The following CD86 variants were observed in gnomAD, a reference collection of about 807,000 sequenced individuals.
CD86 encodes the protein T-lymphocyte activation antigen CD86.
A neutral mutation model predicts 32.1 loss-of-function variants in CD86; 11 were observed. The observed-to-expected ratio is 0.34, with a 90% CI of 0.22 to 0.57. The LOEUF is 0.57. Ranked by LOEUF, CD86 falls within the 20% of genes least tolerant of loss-of-function variation. CD86 has a pLI of 0.86. For missense variants in CD86, 359 were observed against 398.4 expected (o/e 0.90, Z 0.84); for synonymous variants, 137 against 135.3 (o/e 1.01, Z -0.09).
chr3:122,099,114 A>G (rs2072955661), intron 2 of CD86, among the ~76,000 whole-genome samples: 1 of 152,228 alleles, frequency 6.6e-6, no homozygotes, highest in South Asian at 2.1e-4. Flanking sequence ...GGAGAATAAG[A>G]AGACCAAGAA....
intron 1 of CD86, among the ~76,000 whole-genome samples, chr3:122,075,054 A>C (rs1254537328): frequency 1.3e-5 from 2 of 152,034 alleles, no homozygotes; most frequent in African/African-American, 2.4e-5. Context: ...CCTGTCACAC[A>C]AACAAGATGG....
chr3:122,065,430 C>T (rs1478806059), intron 1 of CD86, among the ~76,000 whole-genome samples: 1 of 152,106 alleles, frequency 6.6e-6, no homozygotes, highest in African/African-American at 2.4e-5. Flanking sequence ...TAATTAATTG[C>T]CAATATTTCA....
intron 1 of CD86, among the ~76,000 whole-genome samples, chr3:122,088,214 C>T (rs1313603476): frequency 5.5e-5 from 8 of 145,504 alleles, no homozygotes; most frequent in Non-Finnish European, 1.2e-4. Flanking sequence ...TAGTAGCCAG[C>T]CTAATGAGTA....
intron 1 of CD86, among the ~76,000 whole-genome samples, chr3:122,074,508 T>C (rs2072531196): frequency 6.6e-6 from 1 of 152,224 alleles, no homozygotes; most frequent in African/African-American, 2.4e-5. Context: ...GTATTAGAAC[T>C]ACCATCAGCA....
chr3:122,078,437 G>A (rs1477772425), intron 1 of CD86, among the ~76,000 whole-genome samples: 1 of 152,170 alleles, frequency 6.6e-6, no homozygotes, highest in Non-Finnish European at 1.5e-5. Context: ...CCCTGTGCCA[G>A]TGGGAAATCC....
At chr3:122,088,036 G>C (rs986407796) in intron 1 of CD86, among the ~76,000 whole-genome samples, 2 of 152,110 alleles carry the variant, frequency 1.3e-5, no homozygotes, top group African/African-American at 4.8e-5. Flanking sequence ...TAAATTTATA[G>C]TAAAATATAA....
In CD86 at chr3:122,119,563, A is replaced by AT. The variant is rs1366962341; in HGVS notation, c.*35dup. ...AAGAGTAAAGCCCATACAAGTATTC[A>AT]TTTTTTCTACCCTTTCCTTTGTAAG... On this transcript the variant is annotated 3_prime_UTR_variant, in exon 7 of 7. Transcript: ENST00000330540. 5.1e-6 allele frequency: 7 copies of AT among 1,365,046 alleles called. No individual in the cohort carries two copies. The highest frequency in any genetic ancestry group is 1.4e-5 in the African/African-American group (1 of 69,408). 84.6% of individuals were successfully genotyped at this position (1,365,046 alleles called of 1,614,324 possible).
chr3:122,055,560 G>A lies in CD86; in HGVS notation c.14+57G>A, dbSNP rs942102286. On this transcript the variant is annotated intron_variant, in intron 1 of 6. Transcript: ENST00000330540. ...GTTATGAGTTGTGACTGCAGTGAAA[G>A]GCTGAGGTTGAAGATGGTGCTTTGA... 45 of 1,526,534 alleles carry A rather than the reference G, an allele frequency of 2.9e-5. No homozygotes were observed. In the South Asian group the frequency reaches 4.6e-4, roughly 16 times the overall value. The allele number at this position is 1,526,534 out of a possible 1,614,324, so 94.6% of individuals were successfully genotyped here. A position where few individuals can be genotyped will look rare whatever the true frequency, so the allele number is the denominator to read the frequency against.
At chr3:122,084,859 G>A (rs1034772008) in intron 1 of CD86, among the ~76,000 whole-genome samples, 7 of 152,198 alleles carry the variant, frequency 4.6e-5, no homozygotes, top group African/African-American at 1.7e-4. Flanking sequence ...CTTCATGGGA[G>A]GAGGAGTAGC....
At chr3:122,059,315 G>A (rs2072289562) in intron 1 of CD86, among the ~76,000 whole-genome samples, 1 of 152,120 alleles carries the variant, frequency 6.6e-6, no homozygotes. Flanking sequence ...TCTAAGGAGG[G>A]AGATGAGGAA....
intron 1 of CD86, among the ~76,000 whole-genome samples, chr3:122,066,576 C>CTATA (rs1237762243): frequency 6.6e-6 from 1 of 152,104 alleles, no homozygotes; most frequent in Non-Finnish European, 1.5e-5. Flanking sequence ...GTTTCCTCAC[C>CTATA]TATAAATTTT....
chr3:122,094,389 T>A (rs1277147123), intron 2 of CD86, among the ~76,000 whole-genome samples: 2 of 152,216 alleles, frequency 1.3e-5, no homozygotes, highest in African/African-American at 4.8e-5. Flanking sequence ...GGTAACCGTT[T>A]AAGTTTTATG....
At chr3:122,089,219 G>C (rs2072773698) in intron 1 of CD86, among the ~76,000 whole-genome samples, 1 of 152,198 alleles carries the variant, frequency 6.6e-6, no homozygotes, top group Admixed American at 6.6e-5. Flanking sequence ...GCTTAGTTTT[G>C]CAAGATGAAA....
At chr3:122,067,119 T>C (rs1470321315) in intron 1 of CD86, among the ~76,000 whole-genome samples, 1 of 152,128 alleles carries the variant, frequency 6.6e-6, no homozygotes, top group Non-Finnish European at 1.5e-5. Flanking sequence ...CAAGTGAAAC[T>C]GTTGTATGGG....
chr3:122,075,775 C>A lies in CD86; in HGVS notation c.15-15826C>A, dbSNP rs949661886. ...CTTTACTCCTTTTAATATCATTCTA[C>A]GTTACAGCATTGGAGGAGGCTGCTC... On this transcript the variant is annotated intron_variant, in intron 1 of 6. Transcript: ENST00000330540. Among the ~76,000 whole-genome samples, 5 of 152,256 alleles carry A rather than the reference C, an allele frequency of 3.3e-5. No homozygotes were observed. In the South Asian group the frequency reaches 8.3e-4, roughly 25 times the overall value.
At chr3:122,068,937 G>A (rs185713453) in intron 1 of CD86, among the ~76,000 whole-genome samples, 2 of 152,140 alleles carry the variant, frequency 1.3e-5, no homozygotes, top group South Asian at 4.1e-4. Flanking sequence ...TTTAAAATAC[G>A]AAGAGAAGGA....
chr3:122,083,141 GC>G (rs2072657461), intron 1 of CD86, among the ~76,000 whole-genome samples: 1 of 152,154 alleles, frequency 6.6e-6, no homozygotes. Flanking sequence ...AATTGCAGTA[GC>G]CAACTGATTG....
At chr3:122,101,218 CT>C (rs2072994120) in intron 2 of CD86, among the ~76,000 whole-genome samples, 1 of 152,020 alleles carries the variant, frequency 6.6e-6, no homozygotes, top group Admixed American at 6.6e-5. Flanking sequence ...TCTACAACAG[CT>C]GCTCAAACTA....
intron 2 of CD86, among the ~76,000 whole-genome samples, chr3:122,101,286 T>A (rs1316000708): frequency 2.6e-5 from 4 of 151,860 alleles, no homozygotes; most frequent in African/African-American, 9.7e-5. Context: ...GGCCAGAGAT[T>A]CCGTGTTTCA....
Sources: gnomAD v4.1 joint callset for allele counts (sites outside exome capture counted in the v4.1 genomes callset) on GRCh38, gnomAD v4.1.1 for gene constraint, MANE v1.5 for transcripts, NCBI Gene and HGNC (gene_info 2026-07-23, HGNC 2026-07-21) for gene names.